The following RASGRF1 variants were observed in gnomAD, a reference collection of about 807,000 sequenced individuals.
The protein encoded by RASGRF1 is ras-specific guanine nucleotide-releasing factor 1.
RASGRF1 carries 40 observed loss-of-function variants against 138.7 expected under a neutral mutation model. That is an observed-to-expected ratio of 0.29 (90% CI 0.22 to 0.38). The LOEUF is 0.38. Among genes scored for constraint, RASGRF1 ranks in the 10% least tolerant of loss-of-function variants. RASGRF1 has a pLI of 1.00. For missense variants in RASGRF1, 1,108 were observed against 1,650.4 expected (o/e 0.67, Z 5.69); for synonymous variants, 614 against 663.2 (o/e 0.93, Z 1.14).
chr15:79,060,251 C>T (rs1172065174), intron 2 of RASGRF1, among the ~76,000 whole-genome samples: 1 of 152,176 alleles, frequency 6.6e-6, no homozygotes, highest in Non-Finnish European at 1.5e-5. Flanking sequence ...CACTCCCCAC[C>T]CCCCAGGTTG....
At chr15:79,004,490 A>C (rs1188543888) in intron 14 of RASGRF1, among the ~76,000 whole-genome samples, 12 of 149,298 alleles carry the variant, frequency 8.0e-5, no homozygotes, top group Admixed American at 2.0e-4. Context: ...ACTGTGCAAA[A>C]CCCCCCTCCA....
rs1462906970 is a variant in RASGRF1, at chr15:78,995,787, C to T, written c.2980G>A (p.Glu994Lys). The T allele has an allele frequency of 6.2e-7, 1 of 1,614,044 alleles. No homozygotes were observed. The highest frequency in any genetic ancestry group is 1.7e-5 in the Admixed American group (1 of 60,008). ...AANIIRTLTQ[E>K]DPGDNQITLE... ...GTGATCTGGTTGTCACCTGGGTCCTCCTGGGTCAGAGTCCTAGGCAGGAGC... is the reference window on the plus strand; with the variant it reads ...GTGATCTGGTTGTCACCTGGGTCCTTCTGGGTCAGAGTCCTAGGCAGGAGC... The change falls in exon 20 of 27, where the codon GAG (glutamate) becomes AAG (lysine). Residue 994 changes from glutamate (E) to lysine (K), a missense_variant. Around this residue, in one of 3 missense-constraint regions of RASGRF1, gnomAD observed 686 missense variants for 976.7 expected, o/e 0.70. Transcript: ENST00000558480.
intron 1 of RASGRF1, among the ~76,000 whole-genome samples, chr15:79,078,885 G>T (rs573400344): frequency 1.3e-5 from 2 of 152,388 alleles, no homozygotes; most frequent in East Asian, 3.9e-4. Context: ...GAGGCCTGCG[G>T]CCAGAGACTG....
At chr15:78,993,246 A>G (rs1349047121) in intron 20 of RASGRF1, among the ~76,000 whole-genome samples, 17 of 44,076 alleles carry the variant, frequency 3.9e-4, no homozygotes, top group African/African-American at 5.9e-4. Context: ...GTGTGTGTGT[A>G]CGTGGTGTGT....
intron 7 of RASGRF1, 145 bp downstream of exon 7, chr15:79,031,978 G>T: frequency 9.9e-7 from 1 of 1,011,478 alleles, no homozygotes; most frequent in Non-Finnish European, 1.4e-6. Flanking sequence ...ACCCAGCATT[G>T]TCGGCTGCTG....
intron 2 of RASGRF1, among the ~76,000 whole-genome samples, chr15:79,059,753 C>T (rs1263195171): frequency 6.6e-6 from 1 of 152,106 alleles, no homozygotes; most frequent in Non-Finnish European, 1.5e-5. Context: ...ACACACACCC[C>T]CCACAGAGGC....
chr15:79,003,770 T>TG, intron 15 of RASGRF1, 32 bp downstream of exon 15: 6 of 1,552,306 alleles, frequency 3.9e-6, no homozygotes, highest in East Asian at 4.5e-5. Context: ...GCTGGGAGGC[T>TG]GGGGGGCAGC....
intron 13 of RASGRF1, among the ~76,000 whole-genome samples, chr15:79,007,606 C>T (rs1228190348): frequency 1.1e-4 from 15 of 137,326 alleles, no homozygotes; most frequent in Admixed American, 6.3e-4. Flanking sequence ...GAGTACAGTG[C>T]GGTGGTGTGA....
intron 8 of RASGRF1, among the ~76,000 whole-genome samples, chr15:79,028,347 C>T (rs1567543691): frequency 6.6e-6 from 1 of 152,122 alleles, no homozygotes; most frequent in Non-Finnish European, 1.5e-5. Context: ...TGCTCTTTCT[C>T]CAAATATTTG....
At position 79,034,532 on chromosome 15, in the gene RASGRF1, C is replaced by G. The variant is rs139867550; in HGVS notation, c.958+599G>C. The stretch of plus-strand genomic sequence containing the variant: ...CTTATGAAGAGATGATTACTTCTAA[C>G]AATAAAAAATTGGAACAACTCTAAG... On this transcript the variant is annotated intron_variant, in intron 6 of 26. Transcript: ENST00000558480. Among the ~76,000 whole-genome samples, 6 of 152,230 alleles carry G rather than the reference C, an allele frequency of 3.9e-5. No individual in the cohort carries two copies. In the East Asian group the frequency reaches 1.2e-3, roughly 29 times the overall value.
At chr15:79,004,275 G>GCT in intron 14 of RASGRF1, 100 bp from the exon 15 acceptor site, 4 of 1,388,778 alleles carry the variant, frequency 2.9e-6, no homozygotes, top group Non-Finnish European at 3.9e-6. Flanking sequence ...GGCAGCAACG[G>GCT]CTCCATCATT....
In RASGRF1 at chr15:79,090,578, G is replaced by C; in HGVS notation, c.-80C>G. On this transcript the variant is annotated 5_prime_UTR_variant, in exon 1 of 27. Coordinates refer to ENST00000558480, the MANE Select transcript of RASGRF1 (RefSeq NM_001145648.3). The stretch of plus-strand genomic sequence containing the variant: ...CCCCCGTCCGTGCGCGCTGCGCGCT[G>C]CCTCTCTCTGGCGCTCGCTCGCTCG... 1 of 1,556,786 alleles carries C rather than the reference G, an allele frequency of 6.4e-7. No individual in the cohort carries two copies. The highest frequency in any genetic ancestry group is 1.2e-5 in the South Asian group (1 of 84,192).
rs1330715939 is a variant in RASGRF1 at position 79,032,305 on chromosome 15, C to A, written c.970G>T (p.Asp324Tyr). The change falls in exon 7 of 27, where the codon GAC becomes TAC. Residue 324 changes from aspartate to tyrosine, a missense_variant. Physicochemically the swap from Asp to Tyr is radical, Grantham distance 160. Around this residue, in one of 3 missense-constraint regions of RASGRF1, gnomAD observed 169 missense variants for 344.2 expected, o/e 0.49. Transcript: ENST00000558480. This position sits in a 1 kb window ranked among gnomAD's most constrained non-coding sequence, Gnocchi z 4.5. Reference sequence around the variant, plus strand: ...ATGTTGAGCATGGGCAGCAGGATGTCAAATAGGTCAGCTGGAAGGACGAGG... The same window carrying A: ...ATGTTGAGCATGGGCAGCAGGATGTAAAATAGGTCAGCTGGAAGGACGAGG... The part of the protein sequence containing the change: ...WPTLVLADLF[D>Y]ILLPMLNIYQ... The A allele has an allele frequency of 1.2e-6, 2 of 1,613,756 alleles. No individual in the cohort carries two copies.
At chr15:79,001,949 C>T (rs1180991728) in intron 15 of RASGRF1, among the ~76,000 whole-genome samples, 162 bp from the exon 16 acceptor site, 1 of 152,234 alleles carries the variant, frequency 6.6e-6, no homozygotes, top group African/African-American at 2.4e-5. Context: ...CCGCAGGACT[C>T]ATCAGAACCT....
At chr15:79,065,639 C>G (rs1159885772) in intron 1 of RASGRF1, among the ~76,000 whole-genome samples, 1 of 151,728 alleles carries the variant, frequency 6.6e-6, no homozygotes, top group Non-Finnish European at 1.5e-5. Context: ...GGGGGCCCAG[C>G]CTGGGCCTGG....
chr15:79,078,872 G>C (rs1241871654), intron 1 of RASGRF1, among the ~76,000 whole-genome samples: 1 of 152,272 alleles, frequency 6.6e-6, no homozygotes, highest in East Asian at 1.9e-4. Context: ...ACCAGCCCAG[G>C]AAGAGGCCTG....
At chr15:79,049,394 C>G (rs942040861) in intron 4 of RASGRF1, 102 bp downstream of exon 4, 1 of 1,076,760 alleles carries the variant, frequency 9.3e-7, no homozygotes, top group African/African-American at 1.6e-5. Context: ...ATGGGGGGCA[C>G]GCTCTGAGGA....
At chr15:79,005,503 A>G (rs1212350435) in intron 14 of RASGRF1, 1 of 985,272 alleles carries the variant, frequency 1.0e-6, no homozygotes, top group African/African-American at 1.7e-5. Context: ...CCATTCCTGG[A>G]TGCAGTGAAG....
chr15:78,980,295 A>G, intron 24 of RASGRF1: 1 of 203,914 alleles, frequency 4.9e-6, no homozygotes, highest in East Asian at 1.1e-4. Context: ...TGATGTCAGA[A>G]TTATTAAAAT....
Sources: gnomAD v4.1 joint callset for allele counts (sites outside exome capture counted in the v4.1 genomes callset) on GRCh38, gnomAD v4.1.1 for gene constraint, gnomAD v4.1.1 regional missense constraint, Gnocchi (gnomAD v3.1) non-coding constraint, MANE v1.5 for transcripts, NCBI Gene and HGNC (gene_info 2026-07-23, HGNC 2026-07-21) for gene names.